ARHGAP35: variants seen among roughly 807,000 people sequenced by gnomAD.
ARHGAP35 encodes rho GTPase-activating protein 35.
ARHGAP35 carries 15 observed loss-of-function variants against 111.1 expected under a neutral mutation model. The observed-to-expected ratio is 0.13, with a 90% CI of 0.09 to 0.21. The LOEUF (loss-of-function observed/expected upper bound fraction) is 0.21, where lower values mean the gene tolerates loss of function less well. ARHGAP35 is among the 10% of genes least tolerant of loss of function. The pLI is 1.00. For missense variants in ARHGAP35, 1,262 were observed against 1,873.0 expected, an observed-to-expected ratio of 0.67 and a Z score of 6.02; for synonymous variants, 643 against 710.3, an observed-to-expected ratio of 0.91 and a Z score of 1.51.
At chr19:46,946,879 C>T (rs1343680950) in intron 3 of ARHGAP35, 2 of 152,232 alleles carry the variant, frequency 1.3e-5, no homozygotes, top group Admixed American at 6.5e-5. Flanking sequence ...CTAAGCCCAG[C>T]TTCACATTTA....
At chr19:46,862,807 C>A (rs2055835963) in intron 1 of ARHGAP35, among the ~76,000 whole-genome samples, 1 of 152,152 alleles carries the variant, frequency 6.6e-6, no homozygotes, top group South Asian at 2.1e-4. Flanking sequence ...CTCTTCCCCC[C>A]ACCATTTTGA....
At chr19:46,930,093 A>C (rs531466853) in intron 2 of ARHGAP35, among the ~76,000 whole-genome samples, 1 of 152,148 alleles carries the variant, frequency 6.6e-6, no homozygotes, top group South Asian at 2.1e-4. Context: ...AAGGCCAGAC[A>C]TGGTGGCTCA....
chr19:46,910,118 T>C (rs1457814742), intron 1 of ARHGAP35, among the ~76,000 whole-genome samples: 1 of 151,912 alleles, frequency 6.6e-6, no homozygotes, highest in Non-Finnish European at 1.5e-5. Flanking sequence ...GGTAAAAGAT[T>C]ATTATTATTA....
Position 46,919,914 on chromosome 19 carries a change from G to T in ARHGAP35, c.1239G>T (p.Glu413Asp). 1.2e-6 allele frequency: 2 copies of T among 1,614,012 alleles called. No individual in the cohort carries two copies. The highest frequency in any genetic ancestry group is 1.7e-6 in the Non-Finnish European group (2 of 1,179,900). Residue 413 changes from glutamate (E) to aspartate (D), a missense_variant, in exon 2 of 7, where the codon GAG becomes GAT. Physicochemically the swap from Glu to Asp is conservative, Grantham distance 45 (BLOSUM62 2). Coordinates refer to ENST00000672722, the MANE Select transcript of ARHGAP35 (RefSeq NM_004491.5). The surrounding 1 kb of genome is among the most constrained non-coding windows in gnomAD (Gnocchi z 6.2). ...PFDLMDTVPA[E>D]QLYEAHLEKL... ...ATTTAATGGATACCGTCCCTGCAGAGCAGCTATACGAGGCCCACTTAGAGA... is the reference window on the plus strand; with the variant it reads ...ATTTAATGGATACCGTCCCTGCAGATCAGCTATACGAGGCCCACTTAGAGA...
At position 46,918,217 on chromosome 19, in the gene ARHGAP35, C is replaced by T. The variant is rs1399699254; in HGVS notation, c.-188-271C>T. 6.6e-6 allele frequency among the ~76,000 whole-genome samples: 1 copy of T among 151,976 alleles called. No homozygotes were observed. Among genetic ancestry groups the T allele is most frequent in the Non-Finnish European group, 1.5e-5 (1 of 67,984 alleles). ...TCCTGCCCTAACCCTGGAATCAGCC[C>T]TTTTTCCAGGGAGCCCTCACACCCT... is the stretch of plus-strand genomic sequence containing the variant. On this transcript the variant is annotated intron_variant, in intron 1 of 6. Coordinates refer to ENST00000672722, the MANE Select transcript of ARHGAP35 (RefSeq NM_004491.5). The surrounding 1 kb of genome is among the most constrained non-coding windows in gnomAD (Gnocchi z 5.4).
intron 2 of ARHGAP35, among the ~76,000 whole-genome samples, chr19:46,927,751 G>A (rs542927123): frequency 6.6e-6 from 1 of 152,204 alleles, no homozygotes; most frequent in South Asian, 2.1e-4. Flanking sequence ...TTGAGTTGAG[G>A]TAACTAAGGC....
At chr19:46,900,239 T>G (rs2056077877) in intron 1 of ARHGAP35, among the ~76,000 whole-genome samples, 1 of 150,208 alleles carries the variant, frequency 6.7e-6, no homozygotes, top group African/African-American at 2.4e-5. Context: ...TTTTTTTTTT[T>G]GAGATGGAGT....
chr19:46,938,340 T>C (rs572984644), intron 3 of ARHGAP35, among the ~76,000 whole-genome samples: 51 of 152,090 alleles, frequency 3.4e-4, no homozygotes, highest in Non-Finnish European at 6.5e-4. Context: ...GCTTTATTTA[T>C]TATTTTATTT....
At chr19:46,990,009 C>A (rs906484020) in intron 5 of ARHGAP35, among the ~76,000 whole-genome samples, 22 of 152,196 alleles carry the variant, frequency 1.4e-4, no homozygotes, top group Non-Finnish European at 8.8e-5. Context: ...TTGTTACCAT[C>A]CCTACTCCTG....
rs763665927 is a variant in ARHGAP35 at position 46,994,877 on chromosome 19, G to A, written c.4037-4427G>A. 3.9e-5 allele frequency among the ~76,000 whole-genome samples: 6 copies of A among 152,142 alleles called. No homozygotes were observed. The highest frequency in any genetic ancestry group is 7.4e-5 in the Non-Finnish European group (5 of 68,020). On this transcript the variant is annotated intron_variant, in intron 5 of 6. Coordinates refer to ENST00000672722, the MANE Select transcript of ARHGAP35 (RefSeq NM_004491.5). This position sits in a 1 kb window ranked among gnomAD's most constrained non-coding sequence, Gnocchi z 5.4. The stretch of plus-strand genomic sequence containing the variant: ...CCCAAATCCGAGAATGAAAGAATTC[G>A]CATTGTCTGACAAGGCAAGAATGGG...
chr19:46,958,176 G>T (rs1486644631), intron 3 of ARHGAP35, among the ~76,000 whole-genome samples: 1 of 152,174 alleles, frequency 6.6e-6, no homozygotes, highest in Non-Finnish European at 1.5e-5. Flanking sequence ...GAGGTCAGGA[G>T]ATCGAGACCA....
intron 2 of ARHGAP35, among the ~76,000 whole-genome samples, chr19:46,930,000 C>T (rs894666102): frequency 6.6e-6 from 1 of 152,002 alleles, no homozygotes; most frequent in African/African-American, 2.4e-5. Context: ...TGGCCTTAAG[C>T]AGTCCTCCCA....
chr19:46,992,569 G>C lies in ARHGAP35; in HGVS notation c.4036+2894G>C, dbSNP rs945649930. ...CCCTCCTCCCTGCCTATCTGGAGTC[G>C]ACCCCGTCCAGCTGGTGTCCACAGG... On this transcript the variant is annotated intron_variant, in intron 5 of 6. Coordinates refer to ENST00000672722, the MANE Select transcript of ARHGAP35 (RefSeq NM_004491.5). This position sits in a 1 kb window ranked among gnomAD's most constrained non-coding sequence, Gnocchi z 4.4. 6.6e-6 allele frequency among the ~76,000 whole-genome samples: 1 copy of C among 151,580 alleles called. No homozygotes were observed. The highest frequency in any genetic ancestry group is 1.5e-5 in the Non-Finnish European group (1 of 67,906).
Position 46,901,865 on chromosome 19 carries a change from C to G in ARHGAP35, c.-188-16623C>G, listed in dbSNP as rs564475509. ...TGACAGATGAGAGCTGTCAAGATAG[C>G]TTGGCTGTGAGATGCCATTTAACTA... On this transcript the variant is annotated intron_variant, in intron 1 of 6. Coordinates refer to ENST00000672722, the MANE Select transcript of ARHGAP35 (RefSeq NM_004491.5). This position sits in a 1 kb window ranked among gnomAD's most constrained non-coding sequence, Gnocchi z 4.5. Among the ~76,000 whole-genome samples the G allele has an allele frequency of 6.6e-6, 1 of 152,320 alleles. No individual in the cohort carries two copies. Among genetic ancestry groups the G allele is most frequent in the South Asian group, 2.1e-4 (1 of 4,824 alleles).
intron 1 of ARHGAP35, among the ~76,000 whole-genome samples, chr19:46,914,183 C>T (rs2056152558): frequency 6.6e-6 from 1 of 152,190 alleles, no homozygotes; most frequent in Non-Finnish European, 1.5e-5. Flanking sequence ...AGTATACTTA[C>T]ACCAAGAAAC....
Position 46,922,458 on chromosome 19 carries a change from A to T in ARHGAP35, c.3681+102A>T. 8.4e-7 allele frequency: 1 copy of T among 1,190,792 alleles called. No homozygotes were observed. Among genetic ancestry groups the T allele is most frequent in the Non-Finnish European group, 1.1e-6 (1 of 881,178 alleles). 73.8% of individuals were successfully genotyped at this position (1,190,792 alleles called of 1,614,324 possible). A position where few individuals can be genotyped will look rare whatever the true frequency, so the allele number is the denominator to read the frequency against. ...AGGACAACCTATTCTGGTAAAAAAA[A>T]AACTGCCCTGTGTGTGTATTTGACT... On this transcript the variant is annotated intron_variant, in intron 2 of 6. Transcript: ENST00000672722. This position sits in a 1 kb window ranked among gnomAD's most constrained non-coding sequence, Gnocchi z 4.0.
intron 1 of ARHGAP35, among the ~76,000 whole-genome samples, chr19:46,874,590 C>T (rs1252691192): frequency 1.1e-4 from 17 of 150,320 alleles, no homozygotes; most frequent in Middle Eastern, 3.4e-3. Context: ...CAGCAACCTC[C>T]GCCTCCTGCG....
At chr19:46,865,020 T>G (rs1189864438) in intron 1 of ARHGAP35, among the ~76,000 whole-genome samples, 1 of 152,236 alleles carries the variant, frequency 6.6e-6, no homozygotes. Context: ...ACACACAGAA[T>G]AGAGAGCTGA....
intron 3 of ARHGAP35, among the ~76,000 whole-genome samples, chr19:46,964,869 G>C (rs2056503960): frequency 6.6e-6 from 1 of 152,194 alleles, no homozygotes; most frequent in African/African-American, 2.4e-5. Flanking sequence ...AGTCCTGGTA[G>C]GTCTTTGGTA....
Sources: allele counts gnomAD v4.1 joint callset (sites outside exome capture counted in the v4.1 genomes callset), GRCh38; gene constraint gnomAD v4.1.1; non-coding constraint Gnocchi (gnomAD v3.1); transcripts MANE v1.5; gene names NCBI Gene and HGNC (gene_info 2026-07-23, HGNC 2026-07-21).